DAB2IP: variants seen among roughly 807,000 people sequenced by gnomAD.
The protein encoded by DAB2IP is disabled homolog 2-interacting protein.
Under a neutral mutation model 107.2 loss-of-function variants are expected in DAB2IP, and 28 were observed. The ratio of observed to expected loss-of-function variants is 0.26; its 90% CI spans 0.19 to 0.36. The LOEUF is 0.36. Ranked by LOEUF, DAB2IP falls within the 10% of genes least tolerant of loss-of-function variation. DAB2IP has a pLI of 1.00. For missense variants in DAB2IP, 1,400 were observed against 1,644.7 expected (o/e 0.85, Z 2.57); for synonymous variants, 755 against 706.4 (o/e 1.07, Z -1.09).
At chr9:121,705,184 A>G (rs890583678) in intron 3 of DAB2IP, among the ~76,000 whole-genome samples, 6 of 152,224 alleles carry the variant, frequency 3.9e-5, no homozygotes, top group African/African-American at 1.4e-4. Flanking sequence ...TGAGAATGGG[A>G]TCAGCAAGGC....
intron 3 of DAB2IP, among the ~76,000 whole-genome samples, chr9:121,755,695 G>A (rs1313077544): frequency 6.6e-6 from 1 of 152,220 alleles, no homozygotes; most frequent in East Asian, 1.9e-4. Flanking sequence ...GAGTCCCTCT[G>A]AGCAGGGCTC....
At chr9:121,588,915 G>A (rs1473072696) in intron 1 of DAB2IP, among the ~76,000 whole-genome samples, 3 of 151,360 alleles carry the variant, frequency 2.0e-5, no homozygotes, top group East Asian at 3.9e-4. Context: ...CCATACCTAG[G>A]GGAGTGAGAC....
chr9:121,701,038 TC>T lies in DAB2IP; in HGVS notation c.362+1584del, dbSNP rs1214021843. Among the ~76,000 whole-genome samples, 2 of 152,360 alleles carry T rather than the reference TC, an allele frequency of 1.3e-5. No individual in the cohort carries two copies. The highest frequency in any genetic ancestry group is 4.8e-5 in the African/African-American group (2 of 41,582). ...ACCGGGCCCCTGCCTTCGGCTGTCT[TC>T]CCCAGGAACATGCCCTTCTCCGCGC... On this transcript the variant is annotated intron_variant, in intron 3 of 15. Coordinates refer to ENST00000408936, the Ensembl canonical transcript of DAB2IP. The surrounding 1 kb of genome is among the most constrained non-coding windows in gnomAD (Gnocchi z 4.7).
At position 121,651,649 on chromosome 9, in the gene DAB2IP, C is replaced by G; in HGVS notation, c.-127C>G. 9.3e-7 allele frequency: 1 copy of G among 1,072,858 alleles called. No homozygotes were observed. Among genetic ancestry groups the G allele is most frequent in the Non-Finnish European group, 1.1e-6 (1 of 888,120 alleles). 66.5% of individuals were successfully genotyped at this position (1,072,858 alleles called of 1,614,324 possible). A position where few individuals can be genotyped will look rare whatever the true frequency, so the allele number is the denominator to read the frequency against. On this transcript the variant is annotated 5_prime_UTR_variant, in exon 1 of 16. Coordinates refer to ENST00000408936, the Ensembl canonical transcript of DAB2IP. This position sits in a 1 kb window ranked among gnomAD's most constrained non-coding sequence, Gnocchi z 5.1. ...GAGTTTGAGCGACTTTGTGGGGCAG[C>G]CAGGGCCTCGGCGGCCGCTCGGGCG...
chr9:121,661,311 G>T (rs972980249), intron 1 of DAB2IP, among the ~76,000 whole-genome samples: 1 of 152,032 alleles, frequency 6.6e-6, no homozygotes, highest in Admixed American at 6.6e-5. Context: ...TGAAAATGGG[G>T]GTGCAAGAGA....
intron 1 of DAB2IP, among the ~76,000 whole-genome samples, chr9:121,630,820 C>G (rs919672191): frequency 6.6e-6 from 1 of 152,124 alleles, no homozygotes; most frequent in Non-Finnish European, 1.5e-5. Flanking sequence ...GTTGGCCAGG[C>G]TGGTCTCGAA....
chr9:121,670,792 G>T (rs189490929), intron 1 of DAB2IP, among the ~76,000 whole-genome samples: 1 of 152,148 alleles, frequency 6.6e-6, no homozygotes, highest in East Asian at 1.9e-4. Flanking sequence ...CGAGGCTGGC[G>T]GATCACTTGA....
intron 1 of DAB2IP, among the ~76,000 whole-genome samples, chr9:121,573,486 G>A (rs986414085): frequency 6.6e-6 from 1 of 152,052 alleles, no homozygotes; most frequent in East Asian, 1.9e-4. Context: ...CTGGGTTCAA[G>A]CAATTCTCCT....
intron 1 of DAB2IP, among the ~76,000 whole-genome samples, chr9:121,582,384 G>C (rs897255751): frequency 2.0e-5 from 3 of 152,052 alleles, no homozygotes; most frequent in Admixed American, 2.0e-4. Flanking sequence ...AGGGAACCAG[G>C]GCTGCTCAGA....
intron 3 of DAB2IP, among the ~76,000 whole-genome samples, chr9:121,708,594 C>T (rs914185335): frequency 6.6e-6 from 1 of 152,324 alleles, no homozygotes; most frequent in East Asian, 1.9e-4. Context: ...TGGAACTTGT[C>T]TCCTAACTCC....
chr9:121,712,774 A>G (rs1830400183), intron 3 of DAB2IP, among the ~76,000 whole-genome samples: 1 of 152,188 alleles, frequency 6.6e-6, no homozygotes, highest in Non-Finnish European at 1.5e-5. Context: ...ATTCTTACAG[A>G]TGTTAATGGG....
chr9:121,662,518 A>G lies in DAB2IP; in HGVS notation c.124+10619A>G, dbSNP rs1833251993. On this transcript the variant is annotated intron_variant, in intron 1 of 15. Coordinates refer to ENST00000408936, the Ensembl canonical transcript of DAB2IP. This position sits in a 1 kb window ranked among gnomAD's most constrained non-coding sequence, Gnocchi z 4.6. ...ATGTTCATTCATTTGTGTATTGTCT[A>G]TAGCTGCTTTCACGCTACAATGGCA... Among the ~76,000 whole-genome samples, 2 of 152,258 alleles carry G rather than the reference A, an allele frequency of 1.3e-5. No homozygotes were observed. The highest frequency in any genetic ancestry group is 6.5e-5 in the Admixed American group (1 of 15,282).
chr9:121,594,814 T>C lies in DAB2IP; in HGVS notation c.40+27586T>C, dbSNP rs116302162. Among the ~76,000 whole-genome samples the C allele has an allele frequency of 3.7e-3, 565 of 152,240 alleles. 3 individuals are homozygous for C. Among genetic ancestry groups the C allele is most frequent in the African/African-American group, 0.013 (542 of 41,544 alleles). ...CAATCTACAATATGATAAATATAGA[T>C]GGTGGAGTGGGTGGGTTCTGTGGGA... On this transcript the variant is annotated intron_variant, in intron 1 of 16. Coordinates refer to the DAB2IP transcript ENST00000259371.
chr9:121,735,890 C>T (rs540009967), intron 3 of DAB2IP, among the ~76,000 whole-genome samples: 90 of 152,302 alleles, frequency 5.9e-4, no homozygotes, highest in Non-Finnish European at 1.0e-3. Context: ...GCAGGTGGGG[C>T]AGGGGTTTGT....
chr9:121,649,061 GC>G (rs1832645669), upstream of DAB2IP, among the ~76,000 whole-genome samples: 2 of 152,152 alleles, frequency 1.3e-5, no homozygotes, highest in Non-Finnish European at 2.9e-5. Context: ...AGGAAAAGGA[GC>G]CTGGGCTCTT....
chr9:121,671,341 A>C (rs1833673208), intron 1 of DAB2IP, among the ~76,000 whole-genome samples: 2 of 152,122 alleles, frequency 1.3e-5, no homozygotes, highest in Admixed American at 6.6e-5. Flanking sequence ...ATCTCAAAAC[A>C]ACAACAACAA....
intron 3 of DAB2IP, among the ~76,000 whole-genome samples, chr9:121,753,700 A>T (rs949478365): frequency 3.3e-5 from 5 of 152,130 alleles, no homozygotes; most frequent in African/African-American, 1.2e-4. Flanking sequence ...GAAAAAAGGG[A>T]TGTGCAAGTG....
In DAB2IP at chr9:121,588,102, C is replaced by A. The variant is rs377432342; in HGVS notation, c.40+20874C>A. On this transcript the variant is annotated intron_variant, in intron 1 of 16. Transcript: ENST00000259371. ...CTGTGGCAATAATTATCATGCACTA[C>A]GGTGATTACTTTCTTAGGTAATTGT... Among the ~76,000 whole-genome samples, 14 of 152,276 alleles carry A rather than the reference C, an allele frequency of 9.2e-5. 1 individual carries two copies. In the South Asian group the frequency reaches 2.9e-3, roughly 32 times the overall value.
intron 2 of DAB2IP, among the ~76,000 whole-genome samples, chr9:121,691,436 C>G (rs1194541098): frequency 6.6e-6 from 1 of 150,968 alleles, no homozygotes; most frequent in African/African-American, 2.4e-5. Flanking sequence ...CTGGGCTGGT[C>G]TCTGGTGGTC....
Sources: gnomAD v4.1 joint callset for allele counts (sites outside exome capture counted in the v4.1 genomes callset) on GRCh38, gnomAD v4.1.1 for gene constraint, Gnocchi (gnomAD v3.1) non-coding constraint, MANE v1.5 for transcripts, NCBI Gene and HGNC (gene_info 2026-07-23, HGNC 2026-07-21) for gene names.